MAML3: variants seen among roughly 807,000 people sequenced by gnomAD.
MAML3 encodes the protein mastermind-like protein 3.
Under a neutral mutation model 101.9 loss-of-function variants are expected in MAML3, and 27 were observed. That is an observed-to-expected ratio of 0.27 (90% CI 0.20 to 0.37). MAML3 has a LOEUF of 0.37. Ranked by LOEUF, MAML3 falls within the 10% of genes least tolerant of loss-of-function variation. The pLI, the probability that MAML3 is intolerant of heterozygous loss-of-function variation, is 1.00. For synonymous variants in MAML3, 501 were observed against 555.9 expected, an observed-to-expected ratio of 0.90 and a Z score of 1.39; for missense variants, 1,316 against 1,444.9, an observed-to-expected ratio of 0.91 and a Z score of 1.45.
chr4:139,833,612 T>A (rs543461519), intron 2 of MAML3, among the ~76,000 whole-genome samples: 1 of 152,296 alleles, frequency 6.6e-6, no homozygotes, highest in South Asian at 2.1e-4. Flanking sequence ...AATACAGTGC[T>A]TCGACTCTGA....
At chr4:140,018,165 A>T (rs1294114220) in intron 1 of MAML3, among the ~76,000 whole-genome samples, 2 of 152,176 alleles carry the variant, frequency 1.3e-5, no homozygotes, top group Non-Finnish European at 2.9e-5. Flanking sequence ...AACTACTCAG[A>T]TTCTAATTTA....
rs556816424 is a variant in MAML3, at chr4:139,769,290, G to A, written c.2080-38623C>T. ...TGCCCAGAGAGGCTCTGGGGTCCCC[G>A]AATCCAGAGGTAGTAGAAGAAGAGT... On this transcript the variant is annotated intron_variant, in intron 2 of 4. Coordinates refer to ENST00000509479, the MANE Select transcript of MAML3 (RefSeq NM_018717.5). Among the ~76,000 whole-genome samples, 8 of 152,234 alleles carry A rather than the reference G, an allele frequency of 5.3e-5. No homozygotes were observed. In the South Asian group the frequency reaches 1.7e-3, roughly 32 times the overall value.
intron 2 of MAML3, among the ~76,000 whole-genome samples, chr4:139,772,425 T>C (rs1578593648): frequency 1.3e-5 from 2 of 151,284 alleles, no homozygotes. Flanking sequence ...CACTGCAACC[T>C]CCGCCTCCTG....
chr4:140,084,394 T>C (rs910338786), intron 1 of MAML3, among the ~76,000 whole-genome samples: 2 of 152,210 alleles, frequency 1.3e-5, no homozygotes, highest in East Asian at 1.9e-4. Context: ...TGTGCACGTA[T>C]ACACAGGGAA....
At chr4:140,084,476 T>C (rs921441645) in intron 1 of MAML3, among the ~76,000 whole-genome samples, 3 of 152,238 alleles carry the variant, frequency 2.0e-5, no homozygotes, top group African/African-American at 7.2e-5. Context: ...AGTAATGCTG[T>C]GTATTTCTTT....
intron 1 of MAML3, among the ~76,000 whole-genome samples, chr4:139,919,875 T>G (rs562613862): frequency 6.6e-6 from 1 of 152,352 alleles, no homozygotes; most frequent in Admixed American, 6.5e-5. Flanking sequence ...TTCCTCTCTT[T>G]GTTCTTATGA....
chr4:139,807,975 T>C (rs1190106957), intron 2 of MAML3, among the ~76,000 whole-genome samples: 1 of 152,236 alleles, frequency 6.6e-6, no homozygotes, highest in Non-Finnish European at 1.5e-5. Context: ...AGGGCTGTTC[T>C]ATAATCAGGA....
intron 1 of MAML3, among the ~76,000 whole-genome samples, chr4:140,034,798 C>T (rs1726958536): frequency 6.6e-6 from 1 of 152,100 alleles, no homozygotes; most frequent in South Asian, 2.1e-4. Context: ...AGTTTGAATC[C>T]CTGCTTGTCT....
intron 1 of MAML3, among the ~76,000 whole-genome samples, chr4:139,956,997 CAAG>C (rs1378239459): frequency 6.6e-6 from 1 of 152,154 alleles, no homozygotes; most frequent in Admixed American, 6.6e-5. Context: ...TACTAAATGT[CAAG>C]AAGTGACATT....
intron 1 of MAML3, among the ~76,000 whole-genome samples, chr4:140,092,120 G>GTATATATATATATATACGTA (rs59773240): frequency 7.5e-6 from 1 of 134,156 alleles, no homozygotes; most frequent in Non-Finnish European, 1.6e-5. Context: ...ATATATATAC[G>GTATATATATATATATACGTA]TATATATATA....
chr4:139,927,881 T>G (rs891962711), intron 1 of MAML3, among the ~76,000 whole-genome samples: 7 of 152,224 alleles, frequency 4.6e-5, no homozygotes, highest in African/African-American at 1.7e-4. Context: ...ATCAACTGCT[T>G]GCTAGGGTGG....
intron 1 of MAML3, among the ~76,000 whole-genome samples, chr4:140,136,536 T>C (rs1728885731): frequency 6.6e-6 from 1 of 152,242 alleles, no homozygotes; most frequent in African/African-American, 2.4e-5. Context: ...GCTTATACTT[T>C]GTCAAGTTTT....
intron 2 of MAML3, among the ~76,000 whole-genome samples, chr4:139,863,882 G>A (rs7679281): frequency 0.58 from 80,182 of 138,106 alleles, 25,238 homozygotes; most frequent in African/African-American, 0.85. Flanking sequence ...GACATGGGAG[G>A]GGAATATATC....
chr4:139,949,115 A>T (rs1263015410), intron 1 of MAML3, among the ~76,000 whole-genome samples: 1 of 152,126 alleles, frequency 6.6e-6, no homozygotes, highest in Non-Finnish European at 1.5e-5. Flanking sequence ...TCCTGGGTTC[A>T]AGAAATTCCC....
At chr4:139,894,405 G>A (rs1435994315) in intron 1 of MAML3, among the ~76,000 whole-genome samples, 2 of 152,058 alleles carry the variant, frequency 1.3e-5, no homozygotes, top group Non-Finnish European at 2.9e-5. Context: ...AGCTACTCAG[G>A]AGACTGAGGC....
chr4:139,859,888 T>C (rs941782249), intron 2 of MAML3, among the ~76,000 whole-genome samples: 1 of 152,182 alleles, frequency 6.6e-6, no homozygotes, highest in Admixed American at 6.5e-5. Flanking sequence ...TAAAGATTTT[T>C]TTTAGGGAAA....
At chr4:139,755,452 C>T (rs1290492000) in intron 2 of MAML3, among the ~76,000 whole-genome samples, 2 of 151,978 alleles carry the variant, frequency 1.3e-5, no homozygotes, top group Non-Finnish European at 2.9e-5. Flanking sequence ...ACTAAATGTA[C>T]AAAAAATTAG....
intron 1 of MAML3, among the ~76,000 whole-genome samples, chr4:139,929,226 G>C (rs1226922621): frequency 6.6e-6 from 1 of 152,170 alleles, no homozygotes; most frequent in African/African-American, 2.4e-5. Context: ...ATCAAACAGT[G>C]CTGTTACTTT....
intron 1 of MAML3, among the ~76,000 whole-genome samples, chr4:140,130,048 A>G (rs1728764810): frequency 6.6e-6 from 1 of 152,214 alleles, no homozygotes; most frequent in African/African-American, 2.4e-5. Flanking sequence ...AAACGCACCA[A>G]TAATAAATCT....
Sources: gnomAD v4.1 joint callset for allele counts (sites outside exome capture counted in the v4.1 genomes callset) on GRCh38, gnomAD v4.1.1 for gene constraint, MANE v1.5 for transcripts, NCBI Gene and HGNC (gene_info 2026-07-23, HGNC 2026-07-21) for gene names.